The following GNAI1 variants were observed in gnomAD, a reference collection of about 807,000 sequenced individuals.
GNAI1 encodes the protein G protein subunit alpha i1, also known as guanine nucleotide-binding protein G(i) subunit alpha-1.
Under a neutral mutation model 38.9 loss-of-function variants are expected in GNAI1, and 11 were observed. The observed-to-expected ratio is 0.28, with a 90% CI of 0.18 to 0.47. The LOEUF (loss-of-function observed/expected upper bound fraction) is 0.47, where lower values mean the gene tolerates loss of function less well. Ranked by LOEUF, GNAI1 falls within the 20% of genes least tolerant of loss-of-function variation. The probability of loss-of-function intolerance (pLI) is 0.99; values close to 1 mark genes in which losing one functional copy is unlikely to be tolerated. For synonymous variants in GNAI1, 166 were observed against 145.1 expected, an observed-to-expected ratio of 1.14 and a Z score of -1.04; for missense variants, 317 against 436.9, an observed-to-expected ratio of 0.73 and a Z score of 2.45.
intron 1 of GNAI1, among the ~76,000 whole-genome samples, chr7:80,159,380 GA>G (rs1787878116): frequency 6.6e-6 from 1 of 152,110 alleles, no homozygotes; most frequent in African/African-American, 2.4e-5. Flanking sequence ...GAGGTGTCTA[GA>G]AAAGCCTCAT....
rs552970597 is a variant in GNAI1, at chr7:80,213,026, T to C, written c.874+157T>C. Among the ~76,000 whole-genome samples the C allele has an allele frequency of 3.9e-5, 6 of 152,340 alleles. No individual in the cohort carries two copies. The East Asian group carries it at 7.7e-4, about 20-fold the overall frequency. ...ATCAAACTGCAGTTGAGCATAAAAA[T>C]TTCCTTAAGATGTAGATGAAATTAC... is the stretch of plus-strand genomic sequence containing the variant. On this transcript the variant is annotated intron_variant, in intron 7 of 7. Transcript: ENST00000649796.
intron 1 of GNAI1, among the ~76,000 whole-genome samples, chr7:80,142,448 A>G (rs1787544046): frequency 6.6e-6 from 1 of 152,194 alleles, no homozygotes; most frequent in Non-Finnish European, 1.5e-5. Context: ...TCCAGTCTAA[A>G]TTAGTCTTCC....
At position 80,176,838 on chromosome 7, in the gene GNAI1, G is replaced by A. The variant is rs993668369; in HGVS notation, c.119-12113G>A. On this transcript the variant is annotated intron_variant, in intron 1 of 7. Coordinates refer to ENST00000649796, the MANE Select transcript of GNAI1 (RefSeq NM_002069.6). Reference sequence around the variant, plus strand: ...TGTAATCCCAGCTACTCGGGAGGCTGAGGCAGGAGAATCTCTTGAACCCAG... The same window carrying A: ...TGTAATCCCAGCTACTCGGGAGGCTAAGGCAGGAGAATCTCTTGAACCCAG... Among the ~76,000 whole-genome samples, 12 of 150,054 alleles carry A rather than the reference G, an allele frequency of 8.0e-5. 1 individual carries two copies. The highest frequency in any genetic ancestry group is 1.2e-4 in the African/African-American group (5 of 40,866).
At chr7:80,205,467 A>G (rs1466685472) in intron 5 of GNAI1, among the ~76,000 whole-genome samples, 2 of 152,140 alleles carry the variant, frequency 1.3e-5, no homozygotes, top group Non-Finnish European at 2.9e-5. Flanking sequence ...ACTGCAGGAA[A>G]TTGGATTAGA....
intron 1 of GNAI1, among the ~76,000 whole-genome samples, chr7:80,179,110 G>A (rs1788247074): frequency 6.6e-6 from 1 of 152,080 alleles, no homozygotes; most frequent in Non-Finnish European, 1.5e-5. Flanking sequence ...TACTATTTTG[G>A]GGAGGGAAGG....
intron 5 of GNAI1, among the ~76,000 whole-genome samples, chr7:80,207,114 C>G (rs373692776): frequency 1.3e-5 from 2 of 152,042 alleles, no homozygotes; most frequent in Admixed American, 6.6e-5. Context: ...AGTTTCTTAA[C>G]AGGCTATTAC....
intron 5 of GNAI1, among the ~76,000 whole-genome samples, chr7:80,205,425 C>G (rs771736643): frequency 6.6e-6 from 1 of 151,872 alleles, no homozygotes; most frequent in Admixed American, 6.6e-5. Context: ...TTTATAGATA[C>G]GTTGACCCAA....
chr7:80,175,278 G>A (rs1052526027), intron 1 of GNAI1, among the ~76,000 whole-genome samples: 6 of 151,982 alleles, frequency 3.9e-5, no homozygotes, highest in Admixed American at 1.3e-4. Context: ...CTGGCATCTC[G>A]GCGTCTTCAC....
At chr7:80,136,144 A>C in intron 1 of GNAI1, 1 of 612,552 alleles carries the variant, frequency 1.6e-6, no homozygotes, top group Non-Finnish European at 2.0e-6. Flanking sequence ...TCTTTTCCAA[A>C]TGTTTGACGG....
At chr7:80,143,807 A>G (rs1044476651) in intron 1 of GNAI1, among the ~76,000 whole-genome samples, 2 of 152,184 alleles carry the variant, frequency 1.3e-5, no homozygotes, top group Non-Finnish European at 2.9e-5. Context: ...ATTATTATAA[A>G]TACTTCAGAG....
intron 4 of GNAI1, among the ~76,000 whole-genome samples, chr7:80,200,324 C>CAAAAAAAAAAA (rs59511755): frequency 0.024 from 953 of 40,354 alleles, 146 homozygotes; most frequent in Middle Eastern, 0.029. Flanking sequence ...GGCCATGTCT[C>CAAAAAAAAAAA]AAAAAAAAAA....
rs868747341 is a variant in GNAI1 at position 80,170,232 on chromosome 7, G to A, written c.119-18719G>A. On this transcript the variant is annotated intron_variant, in intron 1 of 7. Coordinates refer to ENST00000649796, the MANE Select transcript of GNAI1 (RefSeq NM_002069.6). The stretch of plus-strand genomic sequence containing the variant: ...AAATGCCAGAGTGTTTTCCAAAGTG[G>A]TTGTACCATTTACATTCCTAGCAAG... Among the ~76,000 whole-genome samples the A allele has an allele frequency of 3.9e-5, 6 of 152,150 alleles. No individual in the cohort carries two copies. The East Asian group carries it at 5.8e-4, about 15-fold the overall frequency.
At chr7:80,141,548 T>C (rs1320782986) in intron 1 of GNAI1, among the ~76,000 whole-genome samples, 2 of 152,210 alleles carry the variant, frequency 1.3e-5, no homozygotes, top group Non-Finnish European at 2.9e-5. Flanking sequence ...TGTGACTCTT[T>C]ACTCCACCCT....
chr7:80,168,851 C>T lies in GNAI1; in HGVS notation c.119-20100C>T, dbSNP rs1788056795. Among the ~76,000 whole-genome samples, 3 of 152,156 alleles carry T rather than the reference C, an allele frequency of 2.0e-5. No individual in the cohort carries two copies. In the South Asian group the frequency reaches 6.2e-4, roughly 32 times the overall value. On this transcript the variant is annotated intron_variant, in intron 1 of 7. Coordinates refer to ENST00000649796, the MANE Select transcript of GNAI1 (RefSeq NM_002069.6). ...ATTCCCAGCTCCTGACAACCACTAT[C>T]CTACGTTTCTAAAAATTTACCCTAC...
rs1554354294 is a variant in GNAI1 at position 80,221,631 on chromosome 7, A to ATTTTAT, written c.*4142_*4143insATTTTT. On this transcript the variant is annotated 3_prime_UTR_variant, in exon 8 of 8. Coordinates refer to ENST00000649796, the MANE Select transcript of GNAI1 (RefSeq NM_002069.6). ...TTTATATTTTAATGTTAGGTTGGAA[A>ATTTTAT]TTTTCTTTTTTTTTTTTTTTTTTTT... Among the ~76,000 whole-genome samples, 1 of 78,460 alleles carries ATTTTAT rather than the reference A, an allele frequency of 1.3e-5. No homozygotes were observed. The highest frequency in any genetic ancestry group is 2.7e-5 in the Non-Finnish European group (1 of 36,378). The allele number at this position is 78,460 out of a possible 152,430, so 51.5% of individuals were successfully genotyped here. A position where few individuals can be genotyped will look rare whatever the true frequency, so the allele number is the denominator to read the frequency against.
At position 80,224,258 on chromosome 7, in the gene GNAI1, CAG is replaced by C. The variant is rs1297342143; in HGVS notation, c.*6768_*6769del. ...CTTACTAATGCTCTCATTTAGTCATCAGAGCAGTCCTGCAATATTGGTAAAAT... is the reference window on the plus strand; with the variant it reads ...CTTACTAATGCTCTCATTTAGTCATCAGCAGTCCTGCAATATTGGTAAAAT... On this transcript the variant is annotated 3_prime_UTR_variant, in exon 8 of 8. Coordinates refer to ENST00000649796, the MANE Select transcript of GNAI1 (RefSeq NM_002069.6). Among the ~76,000 whole-genome samples, 1 of 152,160 alleles carries C rather than the reference CAG, an allele frequency of 6.6e-6. No individual in the cohort carries two copies. Among genetic ancestry groups the C allele is most frequent in the Non-Finnish European group, 1.5e-5 (1 of 68,024 alleles).
chr7:80,158,427 A>G (rs1271065056), intron 1 of GNAI1, among the ~76,000 whole-genome samples: 2 of 152,216 alleles, frequency 1.3e-5, no homozygotes, highest in Non-Finnish European at 2.9e-5. Context: ...TGTAGTTCCC[A>G]TAATCTTCAC....
chr7:80,150,801 A>AT (rs1787710959), intron 1 of GNAI1, among the ~76,000 whole-genome samples: 1 of 152,118 alleles, frequency 6.6e-6, no homozygotes, highest in African/African-American at 2.4e-5. Context: ...ACATCCGGTT[A>AT]TTTCCCAAGC....
At chr7:80,165,819 A>T (rs377357091) in intron 1 of GNAI1, among the ~76,000 whole-genome samples, 21 of 152,268 alleles carry the variant, frequency 1.4e-4, no homozygotes, top group African/African-American at 4.8e-4. Flanking sequence ...AATCATAGAT[A>T]AAAAATCAAG....
Sources: allele counts gnomAD v4.1 joint callset (sites outside exome capture counted in the v4.1 genomes callset), GRCh38; gene constraint gnomAD v4.1.1; transcripts MANE v1.5; gene names NCBI Gene and HGNC (gene_info 2026-07-23, HGNC 2026-07-21).